MRPL48: variants seen among roughly 807,000 people sequenced by gnomAD.
MRPL48 encodes the protein large ribosomal subunit protein mL48.
In MRPL48, 16 loss-of-function variants were observed where a neutral mutation model predicts 32.9. The ratio of observed to expected loss-of-function variants is 0.49; its 90% CI spans 0.33 to 0.74. MRPL48 has a LOEUF of 0.74. Ranked by LOEUF, MRPL48 falls within the 30% of genes least tolerant of loss-of-function variation. MRPL48 has a pLI of 0.02. For missense variants in MRPL48, 206 were observed against 245.3 expected (o/e 0.84, Z 1.07); for synonymous variants, 94 against 89.2 (o/e 1.05, Z -0.31).
intron 5 of MRPL48, among the ~76,000 whole-genome samples, chr11:73,858,276 A>G (rs1948520873): frequency 2.0e-5 from 3 of 152,336 alleles, no homozygotes; most frequent in South Asian, 2.1e-4. Flanking sequence ...AGAATTTGCA[A>G]TATCTTGCAT....
rs1947067985 is a variant in MRPL48, at chr11:73,787,919, C to A, written c.-53C>A. On this transcript the variant is annotated 5_prime_UTR_variant, in exon 1 of 8. It adds an upstream start codon to the 5' untranslated region. Transcript: ENST00000310614. ...GTTTTCAGACGCCCTGGGAACGCGG[C>A]TGCAGGGTCCGGTCTTCGGTTTGCA... The A allele has an allele frequency of 1.2e-6, 2 of 1,601,442 alleles. No homozygotes were observed. Among genetic ancestry groups the A allele is most frequent in the Admixed American group, 3.4e-5 (2 of 58,808 alleles).
At chr11:73,792,491 G>A (rs1031322380) in intron 1 of MRPL48, among the ~76,000 whole-genome samples, 2 of 152,212 alleles carry the variant, frequency 1.3e-5, no homozygotes, top group Non-Finnish European at 2.9e-5. Context: ...TCAGAGATAA[G>A]ATGTTTTCAC....
intron 4 of MRPL48, among the ~76,000 whole-genome samples, chr11:73,841,938 TG>T (rs34947831): frequency 0.062 from 9,352 of 150,606 alleles, 325 homozygotes; most frequent in Middle Eastern, 0.11. Flanking sequence ...TACTAGTTTT[TG>T]GGGGGGGGTT....
At chr11:73,800,897 C>T (rs201288282) in intron 1 of MRPL48, among the ~76,000 whole-genome samples, 6 of 151,322 alleles carry the variant, frequency 4.0e-5, no homozygotes, top group South Asian at 2.1e-4. Context: ...CAGCAACCTC[C>T]GCCTCCCGGG....
In MRPL48 at chr11:73,808,163, C is replaced by G. The variant is rs1000233101; in HGVS notation, c.75-150C>G. 3.4e-5 allele frequency: 25 copies of G among 745,466 alleles called. No individual in the cohort carries two copies. The African/African-American group carries it at 3.7e-4, about 11-fold the overall frequency. The allele number at this position is 745,466 out of a possible 1,614,324, so 46.2% of individuals were successfully genotyped here. ...TGTGGCACTTTGGCACACATCAGGT[C>G]CTTATTAAAGTTTGTGGAAGGAAGA... On this transcript the variant is annotated intron_variant, in intron 2 of 7. Transcript: ENST00000310614.
chr11:73,804,281 CCT>C (rs1174945358), intron 1 of MRPL48, among the ~76,000 whole-genome samples: 2 of 150,328 alleles, frequency 1.3e-5, no homozygotes, highest in Non-Finnish European at 3.0e-5. Context: ...GTAAGTCAGT[CCT>C]CTTTTTTTTT....
In MRPL48 at chr11:73,843,669, C is replaced by T. The variant is rs77785967; in HGVS notation, c.202-1138C>T. Among the ~76,000 whole-genome samples, 535 of 152,256 alleles carry T rather than the reference C, an allele frequency of 3.5e-3. 7 individuals carry two copies. Among genetic ancestry groups the T allele is most frequent in the Admixed American group, 0.031 (469 of 15,298 alleles). ...GTGTAGACAATTGTAGAATTTCGAGCTAGGAGTAGAAGAGAACTAATGCTG... is the reference window on the plus strand; with the variant it reads ...GTGTAGACAATTGTAGAATTTCGAGTTAGGAGTAGAAGAGAACTAATGCTG... On this transcript the variant is annotated intron_variant, in intron 4 of 7. Coordinates refer to ENST00000310614, the MANE Select transcript of MRPL48 (RefSeq NM_016055.6).
chr11:73,846,594 A>G (rs1450188183), intron 5 of MRPL48, among the ~76,000 whole-genome samples: 1 of 151,852 alleles, frequency 6.6e-6, no homozygotes, highest in East Asian at 1.9e-4. Flanking sequence ...TCCTGACCTC[A>G]AGTGATCACC....
intron 5 of MRPL48, among the ~76,000 whole-genome samples, chr11:73,852,419 C>G (rs985938500): frequency 8.2e-6 from 1 of 121,456 alleles, no homozygotes; most frequent in Non-Finnish European, 1.8e-5. Flanking sequence ...AAAAAAAAAT[C>G]TAATAATCTA....
chr11:73,853,759 C>T (rs948742202), intron 5 of MRPL48, among the ~76,000 whole-genome samples: 1 of 135,878 alleles, frequency 7.4e-6, no homozygotes, highest in African/African-American at 2.8e-5. Flanking sequence ...GGCGCGATCT[C>T]GGCTCACTGC....
At chr11:73,825,856 A>G (rs1376190863) in intron 4 of MRPL48, 60 bp downstream of exon 4, 12 of 1,366,614 alleles carry the variant, frequency 8.8e-6, no homozygotes, top group Non-Finnish European at 1.2e-5. Context: ...AAAAACCTGA[A>G]GATCAGATAT....
chr11:73,815,751 G>A (rs1005808245), intron 3 of MRPL48, among the ~76,000 whole-genome samples: 3 of 150,634 alleles, frequency 2.0e-5, no homozygotes, highest in East Asian at 2.0e-4. Context: ...TGCTGGGACC[G>A]CTCGCTCTGT....
chr11:73,805,142 A>C, intron 2 of MRPL48, 63 bp downstream of exon 2: 1 of 1,383,510 alleles, frequency 7.2e-7, no homozygotes, highest in South Asian at 1.3e-5. Flanking sequence ...CATAGTTCAC[A>C]CAGCATTTTT....
intron 4 of MRPL48, among the ~76,000 whole-genome samples, chr11:73,830,471 C>T (rs1037823149): frequency 2.0e-5 from 3 of 152,214 alleles, no homozygotes; most frequent in Non-Finnish European, 4.4e-5. Flanking sequence ...CACCACCTTA[C>T]AGAGGCTCTG....
intron 3 of MRPL48, among the ~76,000 whole-genome samples, chr11:73,809,937 C>T (rs1347063897): frequency 2.0e-5 from 3 of 152,036 alleles, no homozygotes; most frequent in African/African-American, 7.3e-5. Flanking sequence ...CTACTGGGCC[C>T]AAAGCCTAAC....
intron 5 of MRPL48, among the ~76,000 whole-genome samples, chr11:73,852,145 G>A (rs1948404326): frequency 6.6e-6 from 1 of 152,114 alleles, no homozygotes; most frequent in South Asian, 2.1e-4. Flanking sequence ...CATTAGGAGA[G>A]TCTTGATATT....
intron 6 of MRPL48, 104 bp from the exon 7 acceptor site, chr11:73,863,068 C>T (rs1948611292): frequency 9.9e-7 from 1 of 1,010,436 alleles, no homozygotes; most frequent in Non-Finnish European, 1.5e-6. Flanking sequence ...CGCTTGGGCT[C>T]TCCAGACTCT....
At chr11:73,788,410 A>T (rs966635521) in intron 1 of MRPL48, among the ~76,000 whole-genome samples, 2 of 149,500 alleles carry the variant, frequency 1.3e-5, no homozygotes, top group East Asian at 4.0e-4. Flanking sequence ...ACTGATGAGG[A>T]TGTGAAGCTA....
intron 1 of MRPL48, among the ~76,000 whole-genome samples, chr11:73,794,997 G>C (rs915706020): frequency 6.7e-6 from 1 of 150,348 alleles, no homozygotes; most frequent in Admixed American, 6.7e-5. Flanking sequence ...TGAAACCTCC[G>C]CCTTCTGGGT....
Sources: gnomAD v4.1 joint callset for allele counts (sites outside exome capture counted in the v4.1 genomes callset) on GRCh38, gnomAD v4.1.1 for gene constraint, MANE v1.5 for transcripts, NCBI Gene and HGNC (gene_info 2026-07-23, HGNC 2026-07-21) for gene names.